The following KCNT2 variants were observed in gnomAD, a reference collection of about 807,000 sequenced individuals.
The protein encoded by KCNT2 is potassium channel subfamily T member 2.
A neutral mutation model predicts 153.8 loss-of-function variants in KCNT2; 67 were observed. The ratio of observed to expected loss-of-function variants is 0.44; its 90% confidence interval spans 0.36 to 0.53. KCNT2 has a LOEUF of 0.53. Among genes scored for constraint, KCNT2 ranks in the 20% least tolerant of loss-of-function variants. The pLI is 0.00. For missense variants in KCNT2, 975 were observed against 1,354.8 expected (o/e 0.72, Z 4.40); for synonymous variants, 500 against 458.8 (o/e 1.09, Z -1.15).
At chr1:196,575,019 T>C (rs1661191342) in intron 1 of KCNT2, among the ~76,000 whole-genome samples, 1 of 152,042 alleles carries the variant, frequency 6.6e-6, no homozygotes, top group Non-Finnish European at 1.5e-5. Context: ...ATGGTGTCTA[T>C]AATTAAGCAA....
Position 196,480,604 on chromosome 1 carries a change from C to A in KCNT2, c.325-1366G>T, listed in dbSNP as rs192687660. 2.8e-4 allele frequency among the ~76,000 whole-genome samples: 43 copies of A among 151,870 alleles called. No individual in the cohort carries two copies. The East Asian group carries it at 8.3e-3, about 29-fold the overall frequency. On this transcript the variant is annotated intron_variant, in intron 4 of 27. Coordinates refer to ENST00000294725, the MANE Select transcript of KCNT2 (RefSeq NM_198503.5). ...GGCGCAGTAGTTCACGTCTGTAATC[C>A]CAGCACTTTGGGAGGCCGAGGTGGG... is the stretch of plus-strand genomic sequence containing the variant.
chr1:196,428,461 G>A (rs902911684), intron 9 of KCNT2, among the ~76,000 whole-genome samples, 192 bp from the exon 10 acceptor site: 1 of 151,952 alleles, frequency 6.6e-6, no homozygotes, highest in Non-Finnish European at 1.5e-5. Context: ...TCTCCCAGGG[G>A]CTTCGGGTCT....
chr1:196,492,642 A>G (rs193006838), intron 1 of KCNT2, among the ~76,000 whole-genome samples: 1 of 152,260 alleles, frequency 6.6e-6, no homozygotes, highest in Admixed American at 6.5e-5. Context: ...AATGAGTGGC[A>G]TGGATTATTC....
intron 8 of KCNT2, among the ~76,000 whole-genome samples, chr1:196,437,351 A>T (rs1572450055): frequency 7.3e-6 from 1 of 137,154 alleles, no homozygotes; most frequent in South Asian, 2.2e-4. Context: ...TATTTTTATT[A>T]ATATATTTTT....
At chr1:196,436,124 T>C (rs1674631893) in intron 8 of KCNT2, among the ~76,000 whole-genome samples, 1 of 151,280 alleles carries the variant, frequency 6.6e-6, no homozygotes, top group Non-Finnish European at 1.5e-5. Context: ...CTGATTCACA[T>C]TATATAGTCA....
intron 25 of KCNT2, among the ~76,000 whole-genome samples, chr1:196,280,233 G>A (rs1285056922): frequency 1.3e-5 from 2 of 152,188 alleles, no homozygotes; most frequent in African/African-American, 2.4e-5. Flanking sequence ...ACCACATGAA[G>A]TGATCAAATC....
At position 196,346,722 on chromosome 1, in the gene KCNT2, A is replaced by G. The variant is rs1016681371; in HGVS notation, c.1404-4494T>C. On this transcript the variant is annotated intron_variant, in intron 14 of 27. Coordinates refer to ENST00000294725, the MANE Select transcript of KCNT2 (RefSeq NM_198503.5). ...GATGGAATTAAAATAATAAATTTGG[A>G]TGAAATTGACATCTTTATGTTAGCA... 1.7e-4 allele frequency among the ~76,000 whole-genome samples: 26 copies of G among 152,234 alleles called. 2 individuals are homozygous for G. The highest frequency in any genetic ancestry group is 1.6e-3 in the Admixed American group (25 of 15,284).
intron 14 of KCNT2, among the ~76,000 whole-genome samples, chr1:196,367,394 T>A (rs1160900380): frequency 5.9e-5 from 9 of 152,182 alleles, no homozygotes; most frequent in Non-Finnish European, 1.5e-5. Context: ...TGATTCAATA[T>A]ATTCCCTTCT....
Position 196,429,706 on chromosome 1 carries a change from A to G in KCNT2, c.690T>C (p.Phe230=), listed in dbSNP as rs760196763. 9 of 1,612,154 alleles carry G rather than the reference A, an allele frequency of 5.6e-6. No individual in the cohort carries two copies. The highest frequency in any genetic ancestry group is 7.6e-6 in the Non-Finnish European group (9 of 1,179,130). ...LERIGKKLNL[F]DSLYFCIVTF... ...TCACAATGCAGAAATAAAGGGAGTC[A>G]AAGAGATTCAGCTTCTTTCCTATTC... The change falls in exon 9 of 28, where the codon TTT becomes TTC. Residue 230 remains phenylalanine (F), a synonymous_variant. Coordinates refer to ENST00000294725, the MANE Select transcript of KCNT2 (RefSeq NM_198503.5).
chr1:196,232,482 G>A (rs1172815302), intron 27 of KCNT2, among the ~76,000 whole-genome samples: 1 of 151,532 alleles, frequency 6.6e-6, no homozygotes, highest in Non-Finnish European at 1.5e-5. Context: ...TATATTACAT[G>A]TCATGGTAGG....
intron 1 of KCNT2, among the ~76,000 whole-genome samples, chr1:196,586,763 TTCCA>T (rs1361108097): frequency 6.6e-6 from 1 of 152,056 alleles, no homozygotes; most frequent in Non-Finnish European, 1.5e-5. Context: ...TTACAATCTC[TTCCA>T]CCATATCTTA....
chr1:196,468,105 T>C (rs73067685), intron 6 of KCNT2, among the ~76,000 whole-genome samples: 7,715 of 152,168 alleles, frequency 0.051, 659 homozygotes, highest in African/African-American at 0.17. Context: ...TCCTTTTCTC[T>C]GTAACTTGAG....
chr1:196,412,817 C>T (rs561055715), intron 12 of KCNT2, among the ~76,000 whole-genome samples: 6 of 151,436 alleles, frequency 4.0e-5, no homozygotes, highest in Admixed American at 6.6e-5. Flanking sequence ...TTATTGGGTT[C>T]GACACTTAAT....
At chr1:196,316,665 G>GGAT (rs1425590980) in intron 20 of KCNT2, among the ~76,000 whole-genome samples, 1 of 151,556 alleles carries the variant, frequency 6.6e-6, no homozygotes, top group Non-Finnish European at 1.5e-5. Context: ...TTCTTTGGCT[G>GGAT]GATGAAGTAA....
At chr1:196,421,788 C>T (rs150464015) in intron 12 of KCNT2, among the ~76,000 whole-genome samples, 12 of 152,124 alleles carry the variant, frequency 7.9e-5, no homozygotes, top group Non-Finnish European at 1.6e-4. Flanking sequence ...GACTGGAATT[C>T]GGAAATCAAG....
At chr1:196,543,747 T>C (rs1048516195) in intron 1 of KCNT2, among the ~76,000 whole-genome samples, 4 of 152,134 alleles carry the variant, frequency 2.6e-5, no homozygotes, top group African/African-American at 7.2e-5. Context: ...GACAACCCTA[T>C]ATGCTGTGAG....
intron 1 of KCNT2, among the ~76,000 whole-genome samples, chr1:196,496,627 C>A (rs1422589938): frequency 2.0e-5 from 3 of 152,052 alleles, no homozygotes; most frequent in Non-Finnish European, 2.9e-5. Context: ...TAAATATGAG[C>A]TATACATACA....
intron 22 of KCNT2, among the ~76,000 whole-genome samples, 172 bp downstream of exon 22, chr1:196,305,062 C>A (rs1448912833): frequency 6.6e-6 from 1 of 152,102 alleles, no homozygotes; most frequent in Non-Finnish European, 1.5e-5. Flanking sequence ...TCGTTCAAAT[C>A]TGTCAATTCA....
At chr1:196,569,764 G>C (rs1334840043) in intron 1 of KCNT2, among the ~76,000 whole-genome samples, 1 of 152,066 alleles carries the variant, frequency 6.6e-6, no homozygotes. Flanking sequence ...CCCTCATACT[G>C]CAAGTCCCTA....
Sources: gnomAD v4.1 joint callset for allele counts (sites outside exome capture counted in the v4.1 genomes callset) on GRCh38, gnomAD v4.1.1 for gene constraint, MANE v1.5 for transcripts, NCBI Gene and HGNC (gene_info 2026-07-23, HGNC 2026-07-21) for gene names.